Variants in LY6D observed in about 807,000 individuals in gnomAD.
LY6D encodes the protein lymphocyte antigen 6D.
In LY6D, 7 loss-of-function variants were observed where a neutral mutation model predicts 5.6. The ratio of observed to expected loss-of-function variants is 1.24; its 90% CI spans 0.71 to 2.34. The LOEUF is 2.34. LY6D is among the 30% of genes most tolerant of loss of function. The pLI is 0.00. For synonymous variants in LY6D, 81 were observed against 75.0 expected (o/e 1.08, Z -0.41); for missense variants, 148 against 164.8 (o/e 0.90, Z 0.56).
intron 1 of LY6D, 85 bp from the exon 2 acceptor site, chr8:142,785,772 C>A: frequency 6.5e-7 from 1 of 1,549,784 alleles, no homozygotes; most frequent in Admixed American, 1.9e-5. Flanking sequence ...CTGCAGAGAC[C>A]CCTCCTGGAC....
chr8:142,785,507 C>T, intron 2 of LY6D, 51 bp from the exon 3 acceptor site: 3 of 1,599,388 alleles, frequency 1.9e-6, no homozygotes, highest in African/African-American at 1.3e-5. Context: ...TGCCCCCCAC[C>T]TCCCCACAAC....
In LY6D at chr8:142,785,173, C is replaced by T. The variant is rs761716640; in HGVS notation, c.*48G>A. 6.8e-7 allele frequency: 1 copy of T among 1,469,148 alleles called. No homozygotes were observed. Among genetic ancestry groups the T allele is most frequent in the Non-Finnish European group, 9.4e-7 (1 of 1,069,426 alleles). 91.0% of individuals were successfully genotyped at this position (1,469,148 alleles called of 1,614,324 possible). Reference sequence around the variant, plus strand: ...GCTGGGGAAGAGAGGTGTGGAATCCCCAGAGAAAGGGAAGGAAAGGCATGA... The same window carrying T: ...GCTGGGGAAGAGAGGTGTGGAATCCTCAGAGAAAGGGAAGGAAAGGCATGA... On this transcript the variant is annotated 3_prime_UTR_variant, in exon 3 of 3. Transcript: ENST00000301263.
chr8:142,786,458 C>A lies in LY6D; in HGVS notation c.52+7G>T. 1.9e-6 allele frequency: 3 copies of A among 1,546,708 alleles called. No individual in the cohort carries two copies. In the East Asian group the frequency reaches 7.4e-5, roughly 38 times the overall value. On this transcript the variant is annotated splice_region_variant and intron_variant, in intron 1 of 2. Coordinates refer to ENST00000301263, the MANE Select transcript of LY6D (RefSeq NM_003695.3). The stretch of plus-strand genomic sequence containing the variant: ...CACCCGCCCGTCCCCTTGGCCCAGC[C>A]CCTCACCTGGCCCTGTAGCCACAGC...
chr8:142,786,287 T>C (rs1356940362), intron 1 of LY6D, 178 bp downstream of exon 1: 4 of 1,367,116 alleles, frequency 2.9e-6, no homozygotes, highest in Non-Finnish European at 3.8e-6. Flanking sequence ...TTCTGAAACA[T>C]TGTAAATCTG....
rs571571069 is a variant in LY6D, at chr8:142,785,147, G to A, written c.*74C>T. 89 of 1,234,634 alleles carry A rather than the reference G, an allele frequency of 7.2e-5. No homozygotes were observed. Among genetic ancestry groups the A allele is most frequent in the South Asian group, 3.7e-4 (25 of 67,938 alleles). 76.5% of individuals were successfully genotyped at this position (1,234,634 alleles called of 1,614,324 possible). On this transcript the variant is annotated 3_prime_UTR_variant, in exon 3 of 3. Coordinates refer to ENST00000301263, the MANE Select transcript of LY6D (RefSeq NM_003695.3). ...CTGGGGCTCCTGGCACCCCCGTTGC[G>A]GCTGGGGAAGAGAGGTGTGGAATCC... is the stretch of plus-strand genomic sequence containing the variant.
At chr8:142,785,800 T>A (rs929741477) in intron 1 of LY6D, 113 bp from the exon 2 acceptor site, 7 of 1,493,912 alleles carry the variant, frequency 4.7e-6, no homozygotes, top group Non-Finnish European at 6.3e-6. Flanking sequence ...CTGCTGCCCT[T>A]GCCCTAGGCC....
At chr8:142,786,378 G>C in intron 1 of LY6D, 87 bp downstream of exon 1, 1 of 1,463,220 alleles carries the variant, frequency 6.8e-7, no homozygotes, top group Non-Finnish European at 9.1e-7. Context: ...TCTGTGCCTA[G>C]ATGTCGTCAG....
rs1409974425 is a variant in LY6D, at chr8:142,786,437, C to T, written c.52+28G>A. ...ACCACACAGGCCACAGCCGCCCACC[C>T]GCCCGTCCCCTTGGCCCAGCCCCTC... On this transcript the variant is annotated intron_variant, in intron 1 of 2. Transcript: ENST00000301263. 15 of 1,524,326 alleles carry T rather than the reference C, an allele frequency of 9.8e-6. No individual in the cohort carries two copies. The East Asian group carries it at 9.9e-5, about 10-fold the overall frequency. The allele number at this position is 1,524,326 out of a possible 1,614,324, so 94.4% of individuals were successfully genotyped here.
chr8:142,785,881 C>T (rs2130142288), intron 1 of LY6D, 194 bp from the exon 2 acceptor site: 1 of 1,423,318 alleles, frequency 7.0e-7, no homozygotes, highest in Middle Eastern at 2.6e-4. Context: ...TGTATTCCAG[C>T]CTGGGCCGGC....
rs1048379884 is a variant in LY6D, at chr8:142,785,413, C to T, written c.195G>A (p.Glu65=). Residue 65 remains glutamate, a synonymous_variant, in exon 3 of 3, where the codon GAG becomes GAA. Coordinates refer to ENST00000301263, the MANE Select transcript of LY6D (RefSeq NM_003695.3). The part of the protein sequence containing the change: ...RGNLVKKDCA[E]SCTPSYTLQG... ...GCAGGGTGTAGCTGGGTGTGCACGA[C>T]TCCGCACAGTCCTTCTTCACCAGAT... The T allele has an allele frequency of 6.2e-7, 1 of 1,613,386 alleles. No individual in the cohort carries two copies. The highest frequency in any genetic ancestry group is 8.5e-7 in the Non-Finnish European group (1 of 1,179,942).
At chr8:142,785,789 C>T in intron 1 of LY6D, 102 bp from the exon 2 acceptor site, 1 of 1,515,426 alleles carries the variant, frequency 6.6e-7, no homozygotes, top group Non-Finnish European at 8.9e-7. Flanking sequence ...GGACAGAGGC[C>T]CTGCTGCCCT....
In LY6D at chr8:142,785,232, G is replaced by T. The variant is rs1191709761; in HGVS notation, c.376C>A (p.Pro126Thr). 2 of 1,605,614 alleles carry T rather than the reference G, an allele frequency of 1.2e-6. No individual in the cohort carries two copies. The highest frequency in any genetic ancestry group is 1.7e-6 in the Non-Finnish European group (2 of 1,174,186). The change falls in exon 3 of 3, where the codon CCC becomes ACC. Residue 126 changes from proline (P) to threonine (T), a missense_variant. Pro to Thr is a conservative substitution (Grantham distance 38, BLOSUM62 -1). Coordinates refer to ENST00000301263, the MANE Select transcript of LY6D (RefSeq NM_003695.3). ...ALSLLAVILA[P>T]SL ...CCCTGGGGGGAAGGTCACAGGCTGG[G>T]GGCTAAGATGACGGCCAGGAGGCTC... is the stretch of plus-strand genomic sequence containing the variant.
Position 142,785,272 on chromosome 8 carries a change from G to T in LY6D, c.336C>A (p.Ser112Arg). The T allele has an allele frequency of 6.2e-7, 1 of 1,613,020 alleles. No homozygotes were observed. Among genetic ancestry groups the T allele is most frequent in the African/African-American group, 1.3e-5 (1 of 75,048 alleles). ...TRTALAHSAL[S>R]LGLALSLLAV... ...CCAGGAGGCTCAGGGCCAGCCCCAG[G>T]CTGAGGGCACTGTGGGCGAGGGCGG... The change falls in exon 3 of 3, where the codon AGC becomes AGA. Residue 112 changes from serine (S) to arginine (R), a missense_variant. Ser to Arg is a moderately radical substitution (Grantham distance 110, BLOSUM62 -1). Coordinates refer to ENST00000301263, the MANE Select transcript of LY6D (RefSeq NM_003695.3).
At position 142,785,056 on chromosome 8, in the gene LY6D, G is replaced by C. The variant is rs1815625215; in HGVS notation, c.*165C>G. 1.6e-6 allele frequency: 1 copy of C among 612,822 alleles called. No homozygotes were observed. Among genetic ancestry groups the C allele is most frequent in the Non-Finnish European group, 2.9e-6 (1 of 349,684 alleles). 38.0% of individuals were successfully genotyped at this position (612,822 alleles called of 1,614,324 possible). ...ATCCTCTGTGGGGTCTGTGGGGCCT[G>C]CTCCAAGTCATCAGCATTCCATGCC... On this transcript the variant is annotated 3_prime_UTR_variant, in exon 3 of 3. Coordinates refer to ENST00000301263, the MANE Select transcript of LY6D (RefSeq NM_003695.3).
In LY6D at chr8:142,785,212, G is replaced by C. The variant is rs370648788; in HGVS notation, c.*9C>G. 6.3e-6 allele frequency: 10 copies of C among 1,586,628 alleles called. 1 individual carries two copies. In the Admixed American group the frequency reaches 1.0e-4, roughly 16 times the overall value. ...GGAAAGGCATGAGGGGCCTTCCCTGGGGGGAAGGTCACAGGCTGGGGGCTA... is the reference window on the plus strand; with the variant it reads ...GGAAAGGCATGAGGGGCCTTCCCTGCGGGGAAGGTCACAGGCTGGGGGCTA... On this transcript the variant is annotated 3_prime_UTR_variant, in exon 3 of 3. Coordinates refer to ENST00000301263, the MANE Select transcript of LY6D (RefSeq NM_003695.3).
intron 1 of LY6D, 172 bp from the exon 2 acceptor site, chr8:142,785,859 C>T: frequency 1.4e-6 from 2 of 1,434,956 alleles, no homozygotes; most frequent in South Asian, 3.0e-5. Context: ...CTGAGTGCAG[C>T]CTCAGGGGAC....
rs1038506624 is a variant in LY6D at position 142,785,767 on chromosome 8, G to A, written c.53-80C>T. On this transcript the variant is annotated intron_variant, in intron 1 of 2. Coordinates refer to ENST00000301263, the MANE Select transcript of LY6D (RefSeq NM_003695.3). The stretch of plus-strand genomic sequence containing the variant: ...AGCAGGGCCTGCTCCCCCACCTGCA[G>A]AGACCCCTCCTGGACAGAGGCCCTG... 2.5e-6 allele frequency: 4 copies of A among 1,573,918 alleles called. No individual in the cohort carries two copies. In the East Asian group the frequency reaches 6.9e-5, roughly 27 times the overall value.
At position 142,785,270 on chromosome 8, in the gene LY6D, A is replaced by G. The variant is rs760110009; in HGVS notation, c.338T>C (p.Leu113Pro). Residue 113 changes from leucine (L) to proline (P), a missense_variant, in exon 3 of 3, where the codon CTG becomes CCG. Physicochemically the swap from Leu to Pro is moderately conservative, Grantham distance 98. Coordinates refer to ENST00000301263, the MANE Select transcript of LY6D (RefSeq NM_003695.3). Reference protein sequence around the residue: ...RTALAHSALSLGLALSLLAVI... With the variant: ...RTALAHSALSPGLALSLLAVI... Reference sequence around the variant, plus strand: ...GGCCAGGAGGCTCAGGGCCAGCCCCAGGCTGAGGGCACTGTGGGCGAGGGC... The same window carrying G: ...GGCCAGGAGGCTCAGGGCCAGCCCCGGGCTGAGGGCACTGTGGGCGAGGGC... The G allele has an allele frequency of 6.2e-7, 1 of 1,612,834 alleles. No homozygotes were observed. Among genetic ancestry groups the G allele is most frequent in the East Asian group, 2.2e-5 (1 of 44,850 alleles).
rs373260770 is a variant in LY6D, at chr8:142,786,527, G to T, written c.-11C>A. On this transcript the variant is annotated 5_prime_UTR_variant, in exon 1 of 3. Coordinates refer to ENST00000301263, the MANE Select transcript of LY6D (RefSeq NM_003695.3). ...CAATGCTGTCCTCATCTCTGATGTC[G>T]TCTGGGAGCAGTGCGGGCCCCTGCA... 1 of 1,540,918 alleles carries T rather than the reference G, an allele frequency of 6.5e-7. No individual in the cohort carries two copies.
Sources: allele counts gnomAD v4.1 joint callset, GRCh38; gene constraint gnomAD v4.1.1; transcripts MANE v1.5; gene names NCBI Gene and HGNC (gene_info 2026-07-23, HGNC 2026-07-21).